Variants in SND1 observed in about 807,000 individuals in gnomAD.
The protein encoded by SND1 is staphylococcal nuclease and tudor domain containing 1.
Under a neutral mutation model 121.7 loss-of-function variants are expected in SND1, and 38 were observed. The ratio of observed to expected loss-of-function variants is 0.31; its 90% CI spans 0.24 to 0.41. The LOEUF is 0.41. Among genes scored for constraint, SND1 ranks in the 10% least tolerant of loss-of-function variants. SND1 has a pLI of 1.00. For missense variants in SND1, 868 were observed against 1,184.6 expected, an observed-to-expected ratio of 0.73 and a Z score of 3.92; for synonymous variants, 401 against 447.4, an observed-to-expected ratio of 0.90 and a Z score of 1.31.
In SND1 at chr7:128,030,712, T is replaced by C. The variant is rs576090746; in HGVS notation, c.1779+39656T>C. 242 of 1,496,502 alleles carry C rather than the reference T, an allele frequency of 1.6e-4. 2 individuals are homozygous for C. The South Asian group carries it at 1.9e-3, about 12-fold the overall frequency. 92.7% of individuals were successfully genotyped at this position (1,496,502 alleles called of 1,614,324 possible). A position where few individuals can be genotyped will look rare whatever the true frequency, so the allele number is the denominator to read the frequency against. On this transcript the variant is annotated intron_variant, in intron 16 of 23. Transcript: ENST00000354725. ...AAAGGAGAACCAGCCCTACCCCGGC[T>C]TAAGTGAGCTAGGAGCTCCTCTTTC...
chr7:128,001,649 C>T (rs1377039286), intron 16 of SND1, among the ~76,000 whole-genome samples: 1 of 152,188 alleles, frequency 6.6e-6, no homozygotes, highest in Non-Finnish European at 1.5e-5. Flanking sequence ...GAAATTCTCT[C>T]AGCCGGGCAC....
At chr7:127,949,422 T>C (rs1801409982) in intron 15 of SND1, among the ~76,000 whole-genome samples, 1 of 152,236 alleles carries the variant, frequency 6.6e-6, no homozygotes, top group Non-Finnish European at 1.5e-5. Flanking sequence ...TCTTAATGTT[T>C]GGAAGGAGAT....
intron 16 of SND1, among the ~76,000 whole-genome samples, chr7:128,009,343 G>A (rs1268190484): frequency 2.0e-5 from 3 of 152,180 alleles, no homozygotes; most frequent in Admixed American, 6.5e-5. Context: ...GGTTTAGTAG[G>A]TTTGTTGGAG....
intron 10 of SND1, among the ~76,000 whole-genome samples, chr7:127,741,340 A>T (rs1562997080): frequency 6.6e-6 from 1 of 152,264 alleles, no homozygotes; most frequent in Non-Finnish European, 1.5e-5. Context: ...ATGTGATTTT[A>T]TAAGATGGCT....
intron 16 of SND1, among the ~76,000 whole-genome samples, chr7:128,003,283 GCCT>G (rs933862156): frequency 6.6e-6 from 1 of 152,058 alleles, no homozygotes; most frequent in Non-Finnish European, 1.5e-5. Context: ...ATAGGAAAAG[GCCT>G]CCAAGAAGAA....
chr7:127,997,818 C>T (rs1230915633), intron 16 of SND1: 4 of 534,686 alleles, frequency 7.5e-6, no homozygotes, highest in South Asian at 4.2e-5. Flanking sequence ...CTTACACTTT[C>T]GGCCCAGCAC....
chr7:127,674,979 T>A (rs753387862), intron 1 of SND1, among the ~76,000 whole-genome samples: 1 of 152,240 alleles, frequency 6.6e-6, no homozygotes, highest in African/African-American at 2.4e-5. Flanking sequence ...GGCAGGCAGA[T>A]CACCTGAGGT....
chr7:127,823,421 G>C (rs1398815131), intron 11 of SND1, among the ~76,000 whole-genome samples: 20 of 152,090 alleles, frequency 1.3e-4, no homozygotes, highest in Non-Finnish European at 1.3e-4. Flanking sequence ...TGAGTTTCTT[G>C]ACACATTTTT....
chr7:128,059,114 T>G (rs1175802412), intron 16 of SND1, among the ~76,000 whole-genome samples: 2 of 152,220 alleles, frequency 1.3e-5, no homozygotes, highest in Non-Finnish European at 2.9e-5. Flanking sequence ...ATTTCTAAAG[T>G]GTGACCCTAG....
At chr7:127,745,405 G>A (rs1367438136) in intron 10 of SND1, among the ~76,000 whole-genome samples, 1 of 152,192 alleles carries the variant, frequency 6.6e-6, no homozygotes, top group Non-Finnish European at 1.5e-5. Context: ...TGTGACGCAT[G>A]ACTACTCAAC....
chr7:127,805,690 A>C (rs1798223167), intron 10 of SND1, among the ~76,000 whole-genome samples: 1 of 152,228 alleles, frequency 6.6e-6, no homozygotes, highest in African/African-American at 2.4e-5. Context: ...CATTGAAATG[A>C]TGAAGGCTGT....
chr7:128,054,987 T>C (rs1195982695), intron 16 of SND1, among the ~76,000 whole-genome samples: 1 of 152,230 alleles, frequency 6.6e-6, no homozygotes, highest in East Asian at 1.9e-4. Flanking sequence ...TGTAGAGTTA[T>C]TCTAATAGGA....
intron 16 of SND1, among the ~76,000 whole-genome samples, chr7:128,033,660 G>C (rs963696579): frequency 1.3e-5 from 2 of 152,292 alleles, no homozygotes; most frequent in African/African-American, 4.8e-5. Context: ...AGACCTTTCT[G>C]TTATCATTTG....
chr7:128,051,232 C>A (rs1793041113), intron 16 of SND1, among the ~76,000 whole-genome samples: 1 of 152,210 alleles, frequency 6.6e-6, no homozygotes, highest in South Asian at 2.1e-4. Flanking sequence ...AGTCCACCCT[C>A]CCGAAGACAA....
chr7:127,883,727 C>A (rs1364768121), intron 12 of SND1, among the ~76,000 whole-genome samples: 1 of 152,206 alleles, frequency 6.6e-6, no homozygotes, highest in Non-Finnish European at 1.5e-5. Flanking sequence ...AGTTCAGAAT[C>A]AGGTGTTGCA....
At chr7:127,795,754 G>A (rs1406110542) in intron 10 of SND1, among the ~76,000 whole-genome samples, 1 of 152,154 alleles carries the variant, frequency 6.6e-6, no homozygotes, top group African/African-American at 2.4e-5. Context: ...GCTGCCAAGA[G>A]TACTACTTTT....
chr7:127,732,395 G>A lies in SND1; in HGVS notation c.1152+10995G>A, dbSNP rs949932472. ...CATTTCTGACCAACACAATTTGGTC[G>A]TTCTATTAGTTGTTCCTGCAGACCT... On this transcript the variant is annotated intron_variant, in intron 10 of 23. Coordinates refer to ENST00000354725, the MANE Select transcript of SND1 (RefSeq NM_014390.4). 3.3e-5 allele frequency among the ~76,000 whole-genome samples: 5 copies of A among 152,164 alleles called. No homozygotes were observed. The South Asian group carries it at 8.3e-4, about 25-fold the overall frequency.
rs545665670 is a variant in SND1 at position 128,078,260 on chromosome 7, A to G, written c.1969-3100A>G. Among the ~76,000 whole-genome samples the G allele has an allele frequency of 1.3e-3, 194 of 152,348 alleles. 5 individuals are homozygous for G. In the South Asian group the frequency reaches 0.038, roughly 29 times the overall value. ...CTTGCCCATGTGGCTGCAAGTCCCA[A>G]GGAACAGCTGGTCACCTCCATCCCC... On this transcript the variant is annotated intron_variant, in intron 17 of 23. Coordinates refer to ENST00000354725, the MANE Select transcript of SND1 (RefSeq NM_014390.4).
intron 2 of SND1, 171 bp downstream of exon 2, chr7:127,686,933 G>A: frequency 1.5e-6 from 1 of 658,442 alleles, no homozygotes; most frequent in Non-Finnish European, 2.4e-6. Context: ...TTGTTTATAT[G>A]TTTACTACCT....
Sources: allele counts gnomAD v4.1 joint callset (sites outside exome capture counted in the v4.1 genomes callset), GRCh38; gene constraint gnomAD v4.1.1; transcripts MANE v1.5; gene names NCBI Gene and HGNC (gene_info 2026-07-23, HGNC 2026-07-21).